Variants in AVPR1B observed in about 807,000 individuals in gnomAD.
AVPR1B encodes arginine vasopressin receptor 1B, also known as vasopressin V1b receptor.
In AVPR1B, 25 loss-of-function variants were observed where a neutral mutation model predicts 27.5. The ratio of observed to expected loss-of-function variants is 0.91; its 90% CI spans 0.66 to 1.27. The LOEUF (loss-of-function observed/expected upper bound fraction) is 1.27, where lower values mean the gene tolerates loss of function less well. Among genes scored for constraint, AVPR1B ranks in the 50% most tolerant of loss-of-function variants. The probability of loss-of-function intolerance (pLI) is 0.00; values close to 1 mark genes in which losing one functional copy is unlikely to be tolerated. For synonymous variants in AVPR1B, 248 were observed against 240.2 expected, an observed-to-expected ratio of 1.03 and a Z score of -0.30; for missense variants, 595 against 556.9, an observed-to-expected ratio of 1.07 and a Z score of -0.69.
chr1:206,112,923 A>T (rs974824430), intron 1 of AVPR1B, among the ~76,000 whole-genome samples: 5 of 152,230 alleles, frequency 3.3e-5, no homozygotes. Context: ...CCCCAAAACA[A>T]GCTCAGCCTT....
Position 206,111,367 on chromosome 1 carries a change from A to T in AVPR1B, c.941-844T>A, listed in dbSNP as rs1288422460. On this transcript the variant is annotated intron_variant, in intron 1 of 1. Coordinates refer to ENST00000367126, the MANE Select transcript of AVPR1B (RefSeq NM_000707.5). ...AATATTCTTTCTAAAGACTAAATGA[A>T]ACCCTCATGTCAGCAGGAAAGCTGC... Among the ~76,000 whole-genome samples, 3 of 152,316 alleles carry T rather than the reference A, an allele frequency of 2.0e-5. No individual in the cohort carries two copies. In the East Asian group the frequency reaches 5.8e-4, roughly 29 times the overall value.
chr1:206,110,709 A>G (rs1287115844), intron 1 of AVPR1B, among the ~76,000 whole-genome samples, 186 bp from the exon 2 acceptor site: 1 of 152,250 alleles, frequency 6.6e-6, no homozygotes, highest in Non-Finnish European at 1.5e-5. Context: ...TCCTGGCTCC[A>G]GAGTCTTACC....
In AVPR1B at chr1:206,108,356, G is replaced by A. The variant is rs1334112518; in HGVS notation, c.*1833C>T. The stretch of plus-strand genomic sequence containing the variant: ...CACTCTCCAGTTCTCTAGCACTGAA[G>A]GACTGGGACGCTTTGCTCACTCACA... On this transcript the variant is annotated 3_prime_UTR_variant, in exon 2 of 2. Transcript: ENST00000367126. 2.6e-5 allele frequency among the ~76,000 whole-genome samples: 4 copies of A among 152,226 alleles called. No homozygotes were observed. The highest frequency in any genetic ancestry group is 9.6e-5 in the African/African-American group (4 of 41,460).
Position 206,116,156 on chromosome 1 carries a change from C to A in AVPR1B, c.735G>T (p.Arg245Ser), listed in dbSNP as rs782232721. The A allele has an allele frequency of 6.2e-7, 1 of 1,603,442 alleles. No homozygotes were observed. The highest frequency in any genetic ancestry group is 8.5e-7 in the Non-Finnish European group (1 of 1,174,698). Residue 245 changes from arginine (R) to serine (S), a missense_variant, in exon 1 of 2, where the codon AGG (arginine) becomes AGT (serine). Coordinates refer to ENST00000367126, the MANE Select transcript of AVPR1B (RefSeq NM_000707.5). ...QAWRVGGGGW[R>S]TWDRPSPSTL... ...TGGAAGGTGAGGGCCTGTCCCAAGTCCTCCAGCCCCCTCCTCCCACCCGCC... is the reference window on the plus strand; with the variant it reads ...TGGAAGGTGAGGGCCTGTCCCAAGTACTCCAGCCCCCTCCTCCCACCCGCC...
intron 1 of AVPR1B, among the ~76,000 whole-genome samples, chr1:206,112,358 G>T (rs1184538636): frequency 6.6e-6 from 1 of 152,160 alleles, no homozygotes; most frequent in Non-Finnish European, 1.5e-5. Flanking sequence ...GAAAGAGTCT[G>T]GGACCTCTCC....
rs1437746385 is a variant in AVPR1B at position 206,110,272 on chromosome 1, T to G, written c.1192A>C (p.Ser398Arg). The G allele has an allele frequency of 6.2e-7, 1 of 1,613,846 alleles. No individual in the cohort carries two copies. The highest frequency in any genetic ancestry group is 1.3e-5 in the African/African-American group (1 of 74,898). The stretch of plus-strand genomic sequence containing the variant: ...GACTCTTCAGGCCTGGGCCTCCCAC[T>G]GAGGGTTAGGCTGAGGCTGAGGCTG... ...TLSLSLSLTLSGRPRPEESPR... is the reference protein window; with the variant it reads ...TLSLSLSLTLRGRPRPEESPR... The change falls in exon 2 of 2, where the codon AGT becomes CGT. Residue 398 changes from serine to arginine, a missense_variant. Transcript: ENST00000367126.
In AVPR1B at chr1:206,110,212, T is replaced by C; in HGVS notation, c.1252A>G (p.Thr418Ala). 1 of 1,612,054 alleles carries C rather than the reference T, an allele frequency of 6.2e-7. No individual in the cohort carries two copies. Among genetic ancestry groups the C allele is most frequent in the South Asian group, 1.1e-5 (1 of 91,040 alleles). ...RDLELADGEG[T>A]AETIIF ...TCCTAAAAGATGATGGTCTCAGCGG[T>C]GCCTTCCCCATCTGCCAGCTCCAAG... The change falls in exon 2 of 2, where the codon ACC (threonine) becomes GCC (alanine). Residue 418 changes from threonine (T) to alanine (A), a missense_variant. Transcript: ENST00000367126.
chr1:206,112,771 G>A (rs1202403266), intron 1 of AVPR1B, among the ~76,000 whole-genome samples: 3 of 152,188 alleles, frequency 2.0e-5, no homozygotes, highest in African/African-American at 4.8e-5. Flanking sequence ...TTACAGGCAT[G>A]AGCCACCACA....
chr1:206,116,479 G>A lies in AVPR1B; in HGVS notation c.412C>T (p.His138Tyr). The change falls in exon 1 of 2, where the codon CAC becomes TAC. Residue 138 changes from histidine to tyrosine, a missense_variant. Physicochemically the swap from His to Tyr is moderately conservative, Grantham distance 83. Coordinates refer to ENST00000367126, the MANE Select transcript of AVPR1B (RefSeq NM_000707.5). ...MTLDRYLAVC[H>Y]PLRSLQQPGQ... is the part of the protein sequence containing the mutation. Reference sequence around the variant, plus strand: ...GGCTGCTGGAGGCTGCGCAGGGGGTGACAGACAGCCAGGTAGCGGTCCAGC... The same window carrying A: ...GGCTGCTGGAGGCTGCGCAGGGGGTAACAGACAGCCAGGTAGCGGTCCAGC... The A allele has an allele frequency of 6.2e-7, 1 of 1,613,964 alleles. No homozygotes were observed. Among genetic ancestry groups the A allele is most frequent in the Non-Finnish European group, 8.5e-7 (1 of 1,179,988 alleles).
rs1401707548 is a variant in AVPR1B at position 206,108,408 on chromosome 1, A to G, written c.*1781T>C. Among the ~76,000 whole-genome samples, 1 of 152,152 alleles carries G rather than the reference A, an allele frequency of 6.6e-6. No individual in the cohort carries two copies. The highest frequency in any genetic ancestry group is 2.4e-5 in the African/African-American group (1 of 41,436). On this transcript the variant is annotated 3_prime_UTR_variant, in exon 2 of 2. Transcript: ENST00000367126. ...CATTCAGCAAGGCTCTTTTCTTTTT[A>G]GAAAGCCTCAGGAGGCTTCTTAGAG...
chr1:206,115,566 T>A, intron 1 of AVPR1B, among the ~76,000 whole-genome samples: 1 of 152,330 alleles, frequency 6.6e-6, no homozygotes, highest in East Asian at 1.9e-4. Context: ...CATGTCCAGG[T>A]GCAGGAGGGA....
intron 1 of AVPR1B, 55 bp from the exon 2 acceptor site, chr1:206,110,578 AGAG>A: frequency 1.4e-6 from 2 of 1,455,432 alleles, no homozygotes; most frequent in Non-Finnish European, 1.9e-6. Context: ...GGGACCTGGG[AGAG>A]CGTCCAGGCC....
Position 206,108,002 on chromosome 1 carries a change from A to G in AVPR1B, c.*2187T>C, listed in dbSNP as rs996734756. ...CAGGTAGAAAAGGGGTGAGATCAAG[A>G]TGCAAACCCAGGTCTTTGGGGCACA... is the stretch of plus-strand genomic sequence containing the variant. On this transcript the variant is annotated 3_prime_UTR_variant, in exon 2 of 2. Coordinates refer to ENST00000367126, the MANE Select transcript of AVPR1B (RefSeq NM_000707.5). Among the ~76,000 whole-genome samples the G allele has an allele frequency of 6.6e-6, 1 of 152,214 alleles. No individual in the cohort carries two copies. Among genetic ancestry groups the G allele is most frequent in the Non-Finnish European group, 1.5e-5 (1 of 68,042 alleles).
At chr1:206,112,110 G>A (rs782648676) in intron 1 of AVPR1B, among the ~76,000 whole-genome samples, 16 of 152,064 alleles carry the variant, frequency 1.1e-4, no homozygotes, top group East Asian at 1.9e-4. Flanking sequence ...CGGGAGAATC[G>A]CTTGAACCCG....
At position 206,116,953 on chromosome 1, in the gene AVPR1B, T is replaced by G; in HGVS notation, c.-63A>C. 7.1e-7 allele frequency: 1 copy of G among 1,416,084 alleles called. No homozygotes were observed. Among genetic ancestry groups the G allele is most frequent in the Non-Finnish European group, 9.7e-7 (1 of 1,033,472 alleles). The allele number at this position is 1,416,084 out of a possible 1,614,324, so 87.7% of individuals were successfully genotyped here. A position where few individuals can be genotyped will look rare whatever the true frequency, so the allele number is the denominator to read the frequency against. On this transcript the variant is annotated 5_prime_UTR_variant, in exon 1 of 2. Transcript: ENST00000367126. ...TGTGGATGCAAGTGGAGAGGTTTGA[T>G]GGATAAAATGGAGTGGCAGGGGAGG...
intron 1 of AVPR1B, 64 bp downstream of exon 1, chr1:206,115,887 C>T: frequency 6.6e-7 from 1 of 1,505,520 alleles, no homozygotes. Context: ...GTAACCCTGA[C>T]CTAATCCCCC....
rs1305520027 is a variant in AVPR1B, at chr1:206,116,475, G to GGGT, written c.413_415dup (p.His138dup). The GGGT allele has an allele frequency of 1.2e-6, 2 of 1,613,888 alleles. No homozygotes were observed. The highest frequency in any genetic ancestry group is 1.7e-6 in the Non-Finnish European group (2 of 1,180,018). Reference sequence around the variant, plus strand: ...GCCTGGCTGCTGGAGGCTGCGCAGGGGGTGACAGACAGCCAGGTAGCGGTC... The same window carrying GGGT: ...GCCTGGCTGCTGGAGGCTGCGCAGGGGGTGGTGACAGACAGCCAGGTAGCGGTC... On this transcript the variant is annotated inframe_insertion, in exon 1 of 2. Coordinates refer to ENST00000367126, the MANE Select transcript of AVPR1B (RefSeq NM_000707.5).
chr1:206,111,537 T>C lies in AVPR1B; in HGVS notation c.941-1014A>G, dbSNP rs556369270. On this transcript the variant is annotated intron_variant, in intron 1 of 1. Coordinates refer to ENST00000367126, the MANE Select transcript of AVPR1B (RefSeq NM_000707.5). ...TGGAAGGAACCTTAGAAGTAAGCTT[T>C]CTAGTTTTTATAGCACAGTTAGTAA... Among the ~76,000 whole-genome samples the C allele has an allele frequency of 4.2e-4, 64 of 152,326 alleles. 3 individuals carry two copies. The South Asian group carries it at 0.013, about 30-fold the overall frequency.
Position 206,110,241 on chromosome 1 carries a change from C to G in AVPR1B, c.1223G>C (p.Arg408Thr). The G allele has an allele frequency of 2.5e-6, 4 of 1,613,978 alleles. No individual in the cohort carries two copies. Among genetic ancestry groups the G allele is most frequent in the Non-Finnish European group, 3.4e-6 (4 of 1,179,940 alleles). ...TTCCCCATCTGCCAGCTCCAAGTCC[C>G]TTGGTGACTCTTCAGGCCTGGGCCT... ...SGRPRPEESP[R>T]DLELADGEGT... Residue 408 changes from arginine (R) to threonine (T), a missense_variant, in exon 2 of 2, where the codon AGG (arginine) becomes ACG (threonine). By Grantham distance (71) the Arg-to-Thr change is moderately conservative. Coordinates refer to ENST00000367126, the MANE Select transcript of AVPR1B (RefSeq NM_000707.5).
Sources: gnomAD v4.1 joint callset for allele counts (sites outside exome capture counted in the v4.1 genomes callset) on GRCh38, gnomAD v4.1.1 for gene constraint, MANE v1.5 for transcripts, NCBI Gene and HGNC (gene_info 2026-07-23, HGNC 2026-07-21) for gene names.